Variants in CTTNBP2 observed in about 807,000 individuals in gnomAD.
The protein encoded by CTTNBP2 is cortactin-binding protein 2.
Under a neutral mutation model 156.9 loss-of-function variants are expected in CTTNBP2, and 108 were observed. The observed-to-expected ratio is 0.69, with a 90% CI of 0.59 to 0.81. The LOEUF is 0.81. CTTNBP2 is among the 30% of genes least tolerant of loss of function. The probability of loss-of-function intolerance (pLI) is 0.00; values close to 1 mark genes in which losing one functional copy is unlikely to be tolerated. For missense variants in CTTNBP2, 1,924 were observed against 2,035.4 expected, an observed-to-expected ratio of 0.95 and a Z score of 1.05; for synonymous variants, 767 against 751.8, an observed-to-expected ratio of 1.02 and a Z score of -0.33.
chr7:117,817,889 G>C (rs572695230), intron 2 of CTTNBP2, among the ~76,000 whole-genome samples: 14 of 152,064 alleles, frequency 9.2e-5, no homozygotes, highest in Non-Finnish European at 1.6e-4. Context: ...AAATTAACTT[G>C]CTTGCCTAAG....
At chr7:117,801,566 A>C (rs1212249666) in intron 3 of CTTNBP2, among the ~76,000 whole-genome samples, 1 of 152,258 alleles carries the variant, frequency 6.6e-6, no homozygotes, top group Non-Finnish European at 1.5e-5. Flanking sequence ...TGGATTAGAA[A>C]AAATGCTGTT....
rs1313760661 is a variant in CTTNBP2 at position 117,838,537 on chromosome 7, ACT to A, written c.189+22670_189+22671del. Reference sequence around the variant, plus strand: ...ATTTTAAAAATTCATTAACAGAGTAACTCTGCATTAATCACAGGACTAATCTG... The same window carrying A: ...ATTTTAAAAATTCATTAACAGAGTAACTGCATTAATCACAGGACTAATCTG... On this transcript the variant is annotated intron_variant, in intron 2 of 22. Transcript: ENST00000160373. Among the ~76,000 whole-genome samples, 8 of 152,296 alleles carry A rather than the reference ACT, an allele frequency of 5.3e-5. No individual in the cohort carries two copies. The East Asian group carries it at 1.5e-3, about 29-fold the overall frequency.
chr7:117,778,752 C>T (rs1798246646), intron 7 of CTTNBP2, among the ~76,000 whole-genome samples: 1 of 152,110 alleles, frequency 6.6e-6, no homozygotes, highest in Non-Finnish European at 1.5e-5. Flanking sequence ...CTCAGGCACC[C>T]ATCTTGTTTA....
intron 8 of CTTNBP2, among the ~76,000 whole-genome samples, chr7:117,769,084 C>G (rs1246477937): frequency 6.6e-6 from 1 of 152,176 alleles, no homozygotes; most frequent in East Asian, 1.9e-4. Flanking sequence ...AGAGCATGAA[C>G]ATGTTCTACG....
intron 2 of CTTNBP2, among the ~76,000 whole-genome samples, chr7:117,814,711 A>G (rs1264720293): frequency 1.3e-5 from 2 of 152,356 alleles, no homozygotes; most frequent in Non-Finnish European, 2.9e-5. Flanking sequence ...TACAGGAGTG[A>G]GCCTCCGTGA....
intron 8 of CTTNBP2, 43 bp downstream of exon 8, chr7:117,777,468 C>T: frequency 6.3e-7 from 1 of 1,583,062 alleles, no homozygotes; most frequent in African/African-American, 1.4e-5. Flanking sequence ...TGCTGCTCAT[C>T]AAATTACAGC....
chr7:117,763,215 A>C (rs1339620119), intron 9 of CTTNBP2, among the ~76,000 whole-genome samples: 1 of 152,238 alleles, frequency 6.6e-6, no homozygotes, highest in Non-Finnish European at 1.5e-5. Flanking sequence ...TTTCTGACTT[A>C]CATCAAGTGG....
At chr7:117,751,757 A>C (rs2116596653) in intron 12 of CTTNBP2, among the ~76,000 whole-genome samples, 1 of 152,344 alleles carries the variant, frequency 6.6e-6, no homozygotes, top group Middle Eastern at 3.4e-3. Flanking sequence ...ATACAGACAT[A>C]ATAATTTGGG....
chr7:117,765,664 T>C (rs966846872), intron 9 of CTTNBP2, among the ~76,000 whole-genome samples: 7 of 152,126 alleles, frequency 4.6e-5, no homozygotes, highest in Non-Finnish European at 1.0e-4. Context: ...GGATTTCCCA[T>C]CCCTCTCATT....
At chr7:117,740,863 C>A (rs1251533041) in intron 14 of CTTNBP2, among the ~76,000 whole-genome samples, 3 of 152,172 alleles carry the variant, frequency 2.0e-5, no homozygotes, top group Non-Finnish European at 4.4e-5. Context: ...CTTGTTGATT[C>A]TAATTCTCCT....
chr7:117,803,130 AGG>A (rs1349799798), intron 3 of CTTNBP2, among the ~76,000 whole-genome samples: 69 of 152,276 alleles, frequency 4.5e-4, no homozygotes, highest in Non-Finnish European at 5.9e-5. Context: ...GAATCAACCT[AGG>A]TGCCCATCAA....
At chr7:117,732,217 A>G (rs12706156) in intron 16 of CTTNBP2, among the ~76,000 whole-genome samples, 4,701 of 152,310 alleles carry the variant, frequency 0.031, 100 homozygotes, top group Non-Finnish European at 0.049. Flanking sequence ...CATTTTAAAT[A>G]ACACCATATA....
chr7:117,856,698 GAA>G (rs931769955), intron 2 of CTTNBP2, among the ~76,000 whole-genome samples: 2 of 152,074 alleles, frequency 1.3e-5, no homozygotes, highest in East Asian at 1.9e-4. Flanking sequence ...AATCTAAAAG[GAA>G]AAAGGCACAG....
At chr7:117,716,068 A>AGGGAGAGAAGACTAG (rs1794341862) in intron 22 of CTTNBP2, 1 of 151,840 alleles carries the variant, frequency 6.6e-6, no homozygotes, top group African/African-American at 2.4e-5. Flanking sequence ...CAGTGGGCAA[A>AGGGAGAGAAGACTAG]GGGAGAGAAG....
At chr7:117,825,644 T>C (rs1434416011) in intron 2 of CTTNBP2, among the ~76,000 whole-genome samples, 2 of 152,206 alleles carry the variant, frequency 1.3e-5, no homozygotes, top group African/African-American at 4.8e-5. Context: ...ATAGAATCTG[T>C]CGCTTCAAAG....
In CTTNBP2 at chr7:117,792,280, C is replaced by A. The variant is rs748184758; in HGVS notation, c.916G>T (p.Ala306Ser). ...GTEGTVTRSV[A>S]CQTDLVTENA... The stretch of plus-strand genomic sequence containing the variant: ...TCTGTCACTAGGTCTGTCTGGCATG[C>A]AACAGACCTTGTCACAGTTCCTTCT... Residue 306 changes from alanine to serine, a missense_variant, in exon 4 of 23, where the codon GCA becomes TCA. Ala to Ser is a moderately conservative substitution (Grantham distance 99). Coordinates refer to ENST00000160373, the MANE Select transcript of CTTNBP2 (RefSeq NM_033427.3). This position sits in a 1 kb window ranked among gnomAD's most constrained non-coding sequence, Gnocchi z 4.2. 1 of 1,614,096 alleles carries A rather than the reference C, an allele frequency of 6.2e-7. No homozygotes were observed. Among genetic ancestry groups the A allele is most frequent in the Non-Finnish European group, 8.5e-7 (1 of 1,180,046 alleles).
intron 1 of CTTNBP2, among the ~76,000 whole-genome samples, chr7:117,864,140 G>A (rs1214368535): frequency 6.6e-6 from 1 of 152,074 alleles, no homozygotes; most frequent in Non-Finnish European, 1.5e-5. Context: ...AGCAACACAT[G>A]TGACCTACAG....
intron 12 of CTTNBP2, among the ~76,000 whole-genome samples, chr7:117,747,247 T>C (rs1195178822): frequency 6.6e-6 from 1 of 152,174 alleles, no homozygotes; most frequent in African/African-American, 2.4e-5. Flanking sequence ...TAAGAATGTG[T>C]GTGTGTATCT....
At chr7:117,829,239 A>C (rs1342218026) in intron 2 of CTTNBP2, among the ~76,000 whole-genome samples, 1 of 152,164 alleles carries the variant, frequency 6.6e-6, no homozygotes, top group Admixed American at 6.5e-5. Context: ...CACTCCCTCT[A>C]TTCTGGAGCA....
Sources: allele counts gnomAD v4.1 joint callset (sites outside exome capture counted in the v4.1 genomes callset), GRCh38; gene constraint gnomAD v4.1.1; non-coding constraint Gnocchi (gnomAD v3.1); transcripts MANE v1.5; gene names NCBI Gene and HGNC (gene_info 2026-07-23, HGNC 2026-07-21).